The following UNC79 variants were observed in gnomAD, a reference collection of about 807,000 sequenced individuals.
UNC79 encodes unc-79 subunit of NALCN channel complex.
UNC79 carries 37 observed loss-of-function variants against 283.1 expected under a neutral mutation model. The observed-to-expected ratio is 0.13, with a 90% CI of 0.10 to 0.17. UNC79 has a LOEUF of 0.17. Among genes scored for constraint, UNC79 ranks in the 10% least tolerant of loss-of-function variants. The probability of loss-of-function intolerance (pLI) is 1.00; values close to 1 mark genes in which losing one functional copy is unlikely to be tolerated. For missense variants in UNC79, 2,272 were observed against 3,211.1 expected (o/e 0.71, Z 7.07); for synonymous variants, 1,107 against 1,200.2 (o/e 0.92, Z 1.61).
chr14:93,372,568 A>C (rs913428285), intron 1 of UNC79, among the ~76,000 whole-genome samples: 1 of 152,238 alleles, frequency 6.6e-6, no homozygotes, highest in Non-Finnish European at 1.5e-5. Flanking sequence ...AATACTACTC[A>C]GGAGAAATTT....
chr14:93,693,133 G>A (rs939838220), intron 46 of UNC79, among the ~76,000 whole-genome samples: 5 of 152,184 alleles, frequency 3.3e-5, no homozygotes, highest in African/African-American at 1.2e-4. Context: ...AGATGCAAAT[G>A]ATACAGGCAA....
At chr14:93,614,891 C>A (rs2066586755) in intron 27 of UNC79, among the ~76,000 whole-genome samples, 1 of 152,148 alleles carries the variant, frequency 6.6e-6, no homozygotes, top group Admixed American at 6.5e-5. Context: ...TGTATACACA[C>A]CGTATCAGCC....
intron 5 of UNC79, among the ~76,000 whole-genome samples, chr14:93,495,144 A>T (rs1331662805): frequency 1.3e-5 from 2 of 152,152 alleles, no homozygotes; most frequent in Non-Finnish European, 2.9e-5. Context: ...TTGCTTTTGT[A>T]GTCTGTGTAT....
At chr14:93,406,788 A>C (rs1357699023) in intron 1 of UNC79, among the ~76,000 whole-genome samples, 2 of 152,194 alleles carry the variant, frequency 1.3e-5, no homozygotes, top group African/African-American at 4.8e-5. Flanking sequence ...CTTTTCTTAG[A>C]TCTATTAGAT....
chr14:93,636,161 G>T (rs1239397776), intron 31 of UNC79, among the ~76,000 whole-genome samples: 1 of 152,192 alleles, frequency 6.6e-6, no homozygotes, highest in Non-Finnish European at 1.5e-5. Flanking sequence ...TTTAATCTAA[G>T]AAAATCTACA....
intron 31 of UNC79, among the ~76,000 whole-genome samples, chr14:93,633,626 A>C (rs1243125078): frequency 6.6e-6 from 1 of 152,178 alleles, no homozygotes; most frequent in Non-Finnish European, 1.5e-5. Flanking sequence ...TGCATCCATG[A>C]TGCTCTGCCT....
At position 93,660,563 on chromosome 14, in the gene UNC79, A is replaced by ATATATATATGTGTGTG. The variant is rs1203621990; in HGVS notation, c.6525+1303_6525+1304insATATATATGTGTGTGT. On this transcript the variant is annotated intron_variant, in intron 39 of 48. Transcript: ENST00000555664. The stretch of plus-strand genomic sequence containing the variant: ...TATATATATATATATATATATATAT[A>ATATATATATGTGTGTG]TGTGTGTGTGTGTGTGTTCATTTTA... Among the ~76,000 whole-genome samples, 84 of 64,676 alleles carry ATATATATATGTGTGTG rather than the reference A, an allele frequency of 1.3e-3. 1 individual carries two copies. The highest frequency in any genetic ancestry group is 2.2e-3 in the Non-Finnish European group (75 of 34,320). The allele number at this position is 64,676 out of a possible 152,430, so 42.4% of individuals were successfully genotyped here. A position where few individuals can be genotyped will look rare whatever the true frequency, so the allele number is the denominator to read the frequency against.
chr14:93,402,770 G>A (rs1252472368), intron 1 of UNC79, among the ~76,000 whole-genome samples: 23 of 152,086 alleles, frequency 1.5e-4, no homozygotes, highest in Admixed American at 1.5e-3. Context: ...GTGAGAGTGT[G>A]AACCAAAAGT....
chr14:93,341,049 T>G lies in UNC79; in HGVS notation c.-351+7526T>G, dbSNP rs535940464. 5.3e-5 allele frequency among the ~76,000 whole-genome samples: 8 copies of G among 152,336 alleles called. No individual in the cohort carries two copies. The East Asian group carries it at 1.5e-3, about 29-fold the overall frequency. ...TAAATGATAGTGCTGGAATTTGACC[T>G]TTGATCTTTTGGACCCCAACTGCCA... On this transcript the variant is annotated intron_variant, in intron 1 of 49. Coordinates refer to the UNC79 transcript ENST00000256339.
intron 1 of UNC79, among the ~76,000 whole-genome samples, chr14:93,447,649 G>A (rs1467466127): frequency 2.0e-5 from 3 of 151,216 alleles, no homozygotes; most frequent in African/African-American, 7.3e-5. Context: ...ACTTTCCTTC[G>A]CATATTTTGT....
chr14:93,400,504 A>G (rs2055086938), intron 1 of UNC79, among the ~76,000 whole-genome samples: 1 of 152,178 alleles, frequency 6.6e-6, no homozygotes, highest in Admixed American at 6.5e-5. Context: ...ATGAAGGGGA[A>G]AATTCCTCTG....
intron 22 of UNC79, among the ~76,000 whole-genome samples, chr14:93,590,185 A>T (rs1373275593): frequency 6.6e-6 from 1 of 152,164 alleles, no homozygotes; most frequent in Non-Finnish European, 1.5e-5. Context: ...ATCTTAACTG[A>T]TGAAATCTAA....
At chr14:93,706,039 A>G (rs191778978) in intron 48 of UNC79, among the ~76,000 whole-genome samples, 1 of 152,296 alleles carries the variant, frequency 6.6e-6, no homozygotes, top group Admixed American at 6.5e-5. Context: ...TTGCACTCTC[A>G]GCTTGAAGCA....
intron 40 of UNC79, among the ~76,000 whole-genome samples, chr14:93,669,765 C>G (rs1596309688): frequency 1.3e-5 from 2 of 152,192 alleles, no homozygotes. Context: ...GGAAGGATCA[C>G]TTGAGCCCAG....
chr14:93,639,880 T>C (rs2068861158), intron 32 of UNC79, among the ~76,000 whole-genome samples: 1 of 152,252 alleles, frequency 6.6e-6, no homozygotes, highest in Non-Finnish European at 1.5e-5. Flanking sequence ...TTTGAGGAAA[T>C]CTTTCCCCTA....
chr14:93,672,278 A>T (rs1212054213), intron 40 of UNC79, among the ~76,000 whole-genome samples: 1 of 152,250 alleles, frequency 6.6e-6, no homozygotes, highest in African/African-American at 2.4e-5. Flanking sequence ...GTATGGAGTC[A>T]ACCTAAGTGT....
intron 23 of UNC79, among the ~76,000 whole-genome samples, chr14:93,594,149 CTATG>C (rs1351826228): frequency 6.6e-6 from 1 of 152,140 alleles, no homozygotes; most frequent in Non-Finnish European, 1.5e-5. Context: ...TTCAGTCAAC[CTATG>C]AGTTTACTTG....
intron 1 of UNC79, among the ~76,000 whole-genome samples, chr14:93,421,753 T>A (rs1479004119): frequency 6.7e-6 from 1 of 148,266 alleles, no homozygotes; most frequent in Non-Finnish European, 1.5e-5. Flanking sequence ...AAACAAAGAT[T>A]ATCCTTCATG....
chr14:93,371,171 C>T (rs1384229938), intron 1 of UNC79, among the ~76,000 whole-genome samples: 4 of 152,008 alleles, frequency 2.6e-5, no homozygotes, highest in Admixed American at 2.0e-4. Flanking sequence ...GGGCAGATCA[C>T]AAGGTCAGGA....
Sources: gnomAD v4.1 joint callset for allele counts (sites outside exome capture counted in the v4.1 genomes callset) on GRCh38, gnomAD v4.1.1 for gene constraint, MANE v1.5 for transcripts, NCBI Gene and HGNC (gene_info 2026-07-23, HGNC 2026-07-21) for gene names.